Variants in ADAM20 observed in about 807,000 individuals in gnomAD.
The protein encoded by ADAM20 is disintegrin and metalloproteinase domain-containing protein 20.
For synonymous variants in ADAM20, 305 were observed against 310.2 expected (o/e 0.98, Z 0.18); for missense variants, 871 against 883.2 (o/e 0.99, Z 0.18).
chr14:70,568,906 C>T, the ADAM20 span, among the ~76,000 whole-genome samples: 5 of 151,916 alleles, frequency 3.3e-5, no homozygotes, highest in African/African-American at 7.3e-5. Flanking sequence ...GGAAAATTTC[C>T]CTAATCTTGC....
At position 70,523,804 on chromosome 14, in the gene ADAM20, C is replaced by T. The variant is rs1427767505; in HGVS notation, c.954G>A (p.Gln318=). 1 of 1,614,066 alleles carries T rather than the reference C, an allele frequency of 6.2e-7. No homozygotes were observed. Among genetic ancestry groups the T allele is most frequent in the South Asian group, 1.1e-5 (1 of 91,080 alleles). Residue 318 remains glutamine (Q), a synonymous_variant, in exon 2 of 2, where the codon CAG becomes CAA. Coordinates refer to ENST00000256389, the MANE Select transcript of ADAM20 (RefSeq NM_003814.5). ...CATCAACTCCAGTATTAAAAGGATT[C>T]TGGCATATTCCTTTAACATAGGCAA... ...LGVAYVKGIC[Q]NPFNTGVDVF...
the ADAM20 span, chr14:70,557,387 GGAA>G: frequency 6.6e-6 from 1 of 152,178 alleles, no homozygotes; most frequent in Non-Finnish European, 1.5e-5. Context: ...TACCGGCTAT[GGAA>G]GAAGCTCAAA....
chr14:70,533,639 T>C (rs1883763628), intron 1 of ADAM20, among the ~76,000 whole-genome samples: 1 of 151,896 alleles, frequency 6.6e-6, no homozygotes, highest in Non-Finnish European at 1.5e-5. Flanking sequence ...TTAGGGCAAA[T>C]ACCTAATGCA....
At chr14:70,575,060 T>A in the ADAM20 span, among the ~76,000 whole-genome samples, 1 of 152,034 alleles carries the variant, frequency 6.6e-6, no homozygotes, top group African/African-American at 2.4e-5. Flanking sequence ...ATGAAATTGT[T>A]TTTCAATTGG....
chr14:70,537,088 T>G (rs1423384603), upstream of ADAM20, among the ~76,000 whole-genome samples: 1 of 152,178 alleles, frequency 6.6e-6, no homozygotes, highest in African/African-American at 2.4e-5. Flanking sequence ...GGATGGGTGT[T>G]GGGGATACAG....
the ADAM20 span, among the ~76,000 whole-genome samples, chr14:70,575,083 G>T: frequency 6.6e-6 from 1 of 151,756 alleles, no homozygotes; most frequent in Non-Finnish European, 1.5e-5. Flanking sequence ...TAAATTTTCT[G>T]TAACACGAGA....
chr14:70,534,132 A>C (rs1883780297), intron 1 of ADAM20, among the ~76,000 whole-genome samples: 1 of 151,282 alleles, frequency 6.6e-6, no homozygotes, highest in African/African-American at 2.4e-5. Context: ...ACACGCACAC[A>C]AAAACACTTA....
the ADAM20 span, among the ~76,000 whole-genome samples, chr14:70,568,710 G>T: frequency 6.6e-6 from 1 of 152,124 alleles, no homozygotes; most frequent in Non-Finnish European, 1.5e-5. Context: ...TGAAAATTTT[G>T]CTAAAGGAAT....
chr14:70,524,746 AC>A lies in ADAM20; in HGVS notation c.11del (p.Gly4ValfsTer40). 1 of 1,613,928 alleles carries A rather than the reference AC, an allele frequency of 6.2e-7. No individual in the cohort carries two copies. Among genetic ancestry groups the A allele is most frequent in the South Asian group, 1.1e-5 (1 of 91,062 alleles). On this transcript the variant is annotated frameshift_variant, in exon 2 of 2. Coordinates refer to ENST00000256389, the MANE Select transcript of ADAM20 (RefSeq NM_003814.5). LOFTEE classifies it low-confidence loss of function (END_TRUNC). ...TGACCCTGATGTGCACCAGGGGCTCACCCACTGCCATTATGAAGCTGTCATT... is the reference window on the plus strand; with the variant it reads ...TGACCCTGATGTGCACCAGGGGCTCACCACTGCCATTATGAAGCTGTCATT... MAV[G>X]EPLVHIRVTL...
chr14:70,534,082 CAAAA>C (rs59828723), intron 1 of ADAM20, among the ~76,000 whole-genome samples: 4,320 of 53,522 alleles, frequency 0.081, 93 homozygotes, highest in African/African-American at 0.14. Context: ...GACCCTGTCT[CAAAA>C]AAAAAAAAAA....
chr14:70,545,192 C>A, the ADAM20 span, among the ~76,000 whole-genome samples: 1 of 152,210 alleles, frequency 6.6e-6, no homozygotes, highest in East Asian at 1.9e-4. Flanking sequence ...ACAAAGGCAG[C>A]ACCTTCATAG....
chr14:70,530,634 T>C (rs1883691356), intron 1 of ADAM20, among the ~76,000 whole-genome samples: 1 of 152,116 alleles, frequency 6.6e-6, no homozygotes, highest in Admixed American at 6.6e-5. Flanking sequence ...CAATAGGAAT[T>C]TTTCAGCTCC....
the ADAM20 span, among the ~76,000 whole-genome samples, chr14:70,545,937 A>G: frequency 6.6e-6 from 1 of 152,238 alleles, no homozygotes; most frequent in Non-Finnish European, 1.5e-5. Flanking sequence ...CATATGGATC[A>G]TTTTCAAGGA....
At chr14:70,563,531 A>C in the ADAM20 span, among the ~76,000 whole-genome samples, 11 of 152,326 alleles carry the variant, frequency 7.2e-5, 1 homozygote, top group African/African-American at 2.6e-4. Flanking sequence ...GAAGAGTGAT[A>C]CAGTTTGGAC....
At chr14:70,524,992 G>A (rs888286163) in intron 1 of ADAM20, 59 bp from the exon 2 acceptor site, 2 of 1,403,042 alleles carry the variant, frequency 1.4e-6, no homozygotes, top group Admixed American at 4.6e-5. Flanking sequence ...AGAGAAAAAA[G>A]GCAAAGTGAT....
At chr14:70,575,554 C>T in the ADAM20 span, among the ~76,000 whole-genome samples, 2 of 152,086 alleles carry the variant, frequency 1.3e-5, no homozygotes, top group Admixed American at 6.5e-5. Flanking sequence ...ATACCTTGTT[C>T]GTGGTAATGG....
the ADAM20 span, among the ~76,000 whole-genome samples, chr14:70,569,885 CAAAAAAAAAA>C: frequency 1.1e-4 from 8 of 76,186 alleles, no homozygotes; most frequent in South Asian, 6.2e-4. Flanking sequence ...AGAAAACTAA[CAAAAAAAAAA>C]AAAAAAAAAA....
chr14:70,578,237 T>C, the ADAM20 span, among the ~76,000 whole-genome samples: 1 of 152,018 alleles, frequency 6.6e-6, no homozygotes, highest in Non-Finnish European at 1.5e-5. Context: ...AAATAAATGC[T>C]GGGGAAAGGA....
chr14:70,558,247 T>C, the ADAM20 span, among the ~76,000 whole-genome samples: 1 of 152,212 alleles, frequency 6.6e-6, no homozygotes, highest in Non-Finnish European at 1.5e-5. Context: ...AAAAGTCTTG[T>C]AGTCAAATAC....
Sources: gnomAD v4.1 joint callset for allele counts (sites outside exome capture counted in the v4.1 genomes callset) on GRCh38, gnomAD v4.1.1 for gene constraint, MANE v1.5 for transcripts, NCBI Gene and HGNC (gene_info 2026-07-23, HGNC 2026-07-21) for gene names.